PHC2: variants seen among roughly 807,000 people sequenced by gnomAD.
PHC2 encodes polyhomeotic-like protein 2.
In PHC2, 29 loss-of-function variants were observed where a neutral mutation model predicts 87.4. The ratio of observed to expected loss-of-function variants is 0.33; its 90% CI spans 0.25 to 0.45. The LOEUF is 0.45. Among genes scored for constraint, PHC2 ranks in the 20% least tolerant of loss-of-function variants. PHC2 has a pLI of 1.00. For synonymous variants in PHC2, 438 were observed against 461.7 expected (o/e 0.95, Z 0.66); for missense variants, 857 against 1,136.7 (o/e 0.75, Z 3.54).
At chr1:33,375,269 A>G (rs556197657) in intron 2 of PHC2, 97 bp downstream of exon 2, 1 of 1,000,270 alleles carries the variant, frequency 1.0e-6, no homozygotes, top group South Asian at 2.2e-5. Flanking sequence ...TCTAGAGTCC[A>G]CATCTAGATT....
chr1:33,394,664 C>T (rs1323820793), intron 1 of PHC2, among the ~76,000 whole-genome samples: 1 of 152,236 alleles, frequency 6.6e-6, no homozygotes, highest in Non-Finnish European at 1.5e-5. Flanking sequence ...CAGCCTGGAA[C>T]TCCTAGGCTC....
chr1:33,375,688 T>C, intron 1 of PHC2, 95 bp from the exon 2 acceptor site: 1 of 717,794 alleles, frequency 1.4e-6, no homozygotes, highest in Non-Finnish European at 2.1e-6. Context: ...TCCACATCCA[T>C]GGATTCAACC....
chr1:33,419,962 ACCC>A (rs754083444), intron 1 of PHC2, among the ~76,000 whole-genome samples: 2 of 151,608 alleles, frequency 1.3e-5, no homozygotes, highest in African/African-American at 2.4e-5. Context: ...CCCAGATATA[ACCC>A]CCCCATGTCA....
chr1:33,424,562 A>G (rs1429731409), intron 1 of PHC2, among the ~76,000 whole-genome samples: 13 of 152,262 alleles, frequency 8.5e-5, no homozygotes. Context: ...TCATTCTAAT[A>G]GACTCACAAA....
At chr1:33,366,872 G>A (rs992523055) in intron 7 of PHC2, among the ~76,000 whole-genome samples, 2 of 152,186 alleles carry the variant, frequency 1.3e-5, no homozygotes, top group Non-Finnish European at 2.9e-5. Context: ...CTGATTCATC[G>A]CTGTGCCTAC....
chr1:33,405,563 AT>A (rs1212953866), intron 1 of PHC2, among the ~76,000 whole-genome samples: 8 of 152,128 alleles, frequency 5.3e-5, no homozygotes, highest in African/African-American at 1.9e-4. Context: ...TTTCTATTTC[AT>A]TAATTCCTGT....
chr1:33,335,216 A>G (rs981855748), intron 9 of PHC2: 4 of 985,306 alleles, frequency 4.1e-6, no homozygotes, highest in Non-Finnish European at 4.8e-6. Context: ...TTCAAACAGC[A>G]TCTCTCATGA....
chr1:33,342,356 CT>C (rs1336228748), intron 9 of PHC2, among the ~76,000 whole-genome samples: 1 of 152,218 alleles, frequency 6.6e-6, no homozygotes, highest in Non-Finnish European at 1.5e-5. Flanking sequence ...ATACAGCTGA[CT>C]TTCATGCTGT....
intron 1 of PHC2, among the ~76,000 whole-genome samples, chr1:33,388,306 C>T (rs1379868764): frequency 6.7e-6 from 1 of 149,730 alleles, no homozygotes; most frequent in African/African-American, 2.5e-5. Flanking sequence ...GGAAACAGTG[C>T]TAATGACAGC....
At chr1:33,356,279 A>ATATATATATATATATATATATG (rs1557831097) in intron 7 of PHC2, among the ~76,000 whole-genome samples, 1 of 129,228 alleles carries the variant, frequency 7.7e-6, no homozygotes, top group African/African-American at 3.4e-5. Context: ...ATATATATGT[A>ATATATATATATATATATATATG]TATATATATA....
chr1:33,366,534 C>A (rs948545977), intron 7 of PHC2, among the ~76,000 whole-genome samples: 30 of 152,250 alleles, frequency 2.0e-4, no homozygotes, highest in African/African-American at 6.8e-4. Context: ...CTCTTCTGTT[C>A]TGACAGTGTT....
intron 1 of PHC2, among the ~76,000 whole-genome samples, chr1:33,409,557 T>A (rs1418086631): frequency 6.6e-6 from 1 of 152,218 alleles, no homozygotes; most frequent in African/African-American, 2.4e-5. Context: ...AATATATACT[T>A]TTGTAATAAA....
At chr1:33,423,394 C>G (rs564611018) in intron 1 of PHC2, among the ~76,000 whole-genome samples, 2 of 152,230 alleles carry the variant, frequency 1.3e-5, no homozygotes, top group South Asian at 4.2e-4. Flanking sequence ...AGACCTGAAA[C>G]CATCCATCCC....
chr1:33,419,988 T>C (rs1406806972), intron 1 of PHC2, among the ~76,000 whole-genome samples: 1 of 152,172 alleles, frequency 6.6e-6, no homozygotes, highest in Non-Finnish European at 1.5e-5. Context: ...ATCCTTAATT[T>C]AATCACATCT....
chr1:33,414,275 G>C (rs1234805792), intron 1 of PHC2, among the ~76,000 whole-genome samples: 1 of 151,742 alleles, frequency 6.6e-6, no homozygotes, highest in Non-Finnish European at 1.5e-5. Flanking sequence ...CCCCAGGATA[G>C]ATTATTGTAA....
At chr1:33,391,146 G>T (rs80044801) in intron 1 of PHC2, among the ~76,000 whole-genome samples, 3 of 152,152 alleles carry the variant, frequency 2.0e-5, no homozygotes, top group African/African-American at 7.2e-5. Context: ...ATCACCTGGA[G>T]GGTTTGTTAA....
Position 33,367,535 on chromosome 1 carries a change from G to A in PHC2, c.664-107C>T, listed in dbSNP as rs1647547027. 19 of 880,910 alleles carry A rather than the reference G, an allele frequency of 2.2e-5. No individual in the cohort carries two copies. The South Asian group carries it at 3.5e-4, about 16-fold the overall frequency. 54.6% of individuals were successfully genotyped at this position (880,910 alleles called of 1,614,324 possible). On this transcript the variant is annotated intron_variant, in intron 6 of 14. Coordinates refer to ENST00000683057, the MANE Select transcript of PHC2 (RefSeq NM_001385109.1). ...ATCCAGGAATGGCTGAATAGAACAG[G>A]AGGTTGTCAAATCAGAGAGAGAGAA... is the stretch of plus-strand genomic sequence containing the variant.
chr1:33,361,744 G>A (rs560085642), intron 7 of PHC2, among the ~76,000 whole-genome samples: 18 of 152,354 alleles, frequency 1.2e-4, no homozygotes, highest in South Asian at 4.1e-4. Context: ...GCCTCATCCC[G>A]TCAGCAGGCC....
At chr1:33,341,192 G>A (rs780550614) in intron 9 of PHC2, among the ~76,000 whole-genome samples, 1 of 152,200 alleles carries the variant, frequency 6.6e-6, no homozygotes, top group Non-Finnish European at 1.5e-5. Context: ...CTGTGGTGAG[G>A]ATTAAATAAT....
Sources: gnomAD v4.1 joint callset for allele counts (sites outside exome capture counted in the v4.1 genomes callset) on GRCh38, gnomAD v4.1.1 for gene constraint, MANE v1.5 for transcripts, NCBI Gene and HGNC (gene_info 2026-07-23, HGNC 2026-07-21) for gene names.